The following GRM7 variants were observed in gnomAD, a reference collection of about 807,000 sequenced individuals.
GRM7 encodes the protein glutamate metabotropic receptor 7.
A neutral mutation model predicts 84.5 loss-of-function variants in GRM7; 35 were observed. That is an observed-to-expected ratio of 0.41 (90% CI 0.32 to 0.55). The LOEUF (loss-of-function observed/expected upper bound fraction) is 0.55. Among genes scored for constraint, GRM7 ranks in the 20% least tolerant of loss-of-function variants. The pLI is 0.19. For synonymous variants in GRM7, 487 were observed against 455.1 expected, an observed-to-expected ratio of 1.07 and a Z score of -0.89; for missense variants, 1,003 against 1,194.6, an observed-to-expected ratio of 0.84 and a Z score of 2.36.
At chr3:7,463,004 G>T (rs935749556) in intron 7 of GRM7, among the ~76,000 whole-genome samples, 2 of 152,194 alleles carry the variant, frequency 1.3e-5, no homozygotes, top group Non-Finnish European at 2.9e-5. Context: ...AACTCAAGGT[G>T]GGGGAGTAGT....
chr3:7,160,411 C>G (rs116936666), intron 2 of GRM7, among the ~76,000 whole-genome samples: 2 of 152,170 alleles, frequency 1.3e-5, no homozygotes, highest in African/African-American at 4.8e-5. Flanking sequence ...CTAGATACCC[C>G]AGTTTCGTCC....
chr3:7,453,390 C>T (rs1697861278), intron 6 of GRM7, among the ~76,000 whole-genome samples: 1 of 152,078 alleles, frequency 6.6e-6, no homozygotes, highest in South Asian at 2.1e-4. Flanking sequence ...CAGTGGCAAA[C>T]CCTAGGTTGT....
At chr3:7,288,431 A>C (rs1457438637) in intron 2 of GRM7, among the ~76,000 whole-genome samples, 3 of 152,114 alleles carry the variant, frequency 2.0e-5, no homozygotes, top group Admixed American at 6.6e-5. Context: ...AATTTATAAG[A>C]ACTGGTAGGA....
chr3:7,165,951 A>ATATGT (rs1694785218), intron 2 of GRM7, among the ~76,000 whole-genome samples: 1 of 152,312 alleles, frequency 6.6e-6, no homozygotes, highest in African/African-American at 2.4e-5. Flanking sequence ...GTACTTCGAA[A>ATATGT]TATGTTATTT....
intron 1 of GRM7, among the ~76,000 whole-genome samples, chr3:6,992,310 A>G (rs1694670719): frequency 1.3e-5 from 2 of 152,328 alleles, no homozygotes; most frequent in African/African-American, 2.4e-5. Flanking sequence ...GTCCTTAAAG[A>G]TAAATATTTA....
At chr3:6,933,878 T>C (rs778834479) in intron 1 of GRM7, among the ~76,000 whole-genome samples, 2 of 152,146 alleles carry the variant, frequency 1.3e-5, no homozygotes, top group Non-Finnish European at 2.9e-5. Flanking sequence ...AGTTAGCCAA[T>C]ACAAATGGTA....
chr3:6,999,152 C>T, intron 1 of GRM7, among the ~76,000 whole-genome samples: 1 of 152,182 alleles, frequency 6.6e-6, no homozygotes. Flanking sequence ...TAAATCATCT[C>T]TCTCAAGTTC....
chr3:6,979,837 A>G (rs1452903254), intron 1 of GRM7, among the ~76,000 whole-genome samples: 1 of 152,200 alleles, frequency 6.6e-6, no homozygotes, highest in South Asian at 2.1e-4. Context: ...AAGTAATATA[A>G]TAGGTTATTA....
chr3:7,404,638 A>G (rs1695596993), intron 4 of GRM7, among the ~76,000 whole-genome samples: 2 of 152,088 alleles, frequency 1.3e-5, no homozygotes. Context: ...GCACAATACC[A>G]AGATGTGTGC....
At chr3:7,092,784 G>A (rs1698716832) in intron 1 of GRM7, among the ~76,000 whole-genome samples, 1 of 152,156 alleles carries the variant, frequency 6.6e-6, no homozygotes, top group African/African-American at 2.4e-5. Context: ...GCCAATATTA[G>A]ACTTCAGAGA....
chr3:7,430,438 C>T (rs1696780219), intron 5 of GRM7, among the ~76,000 whole-genome samples: 1 of 152,172 alleles, frequency 6.6e-6, no homozygotes, highest in South Asian at 2.1e-4. Context: ...AATTCTACTA[C>T]ACAGACATAA....
At chr3:6,977,832 T>G (rs983022574) in intron 1 of GRM7, among the ~76,000 whole-genome samples, 1 of 152,194 alleles carries the variant, frequency 6.6e-6, no homozygotes, top group Non-Finnish European at 1.5e-5. Flanking sequence ...TAGTCCTAAC[T>G]GATAGTATTT....
intron 2 of GRM7, among the ~76,000 whole-genome samples, chr3:7,214,529 C>T (rs1218660147): frequency 6.6e-6 from 1 of 152,204 alleles, no homozygotes; most frequent in Non-Finnish European, 1.5e-5. Flanking sequence ...TAATGCTTTG[C>T]TTCATGCCTG....
Position 7,454,090 on chromosome 3 carries a change from A to ACACTCTCTCTCTCTCTCT in GRM7, c.1375+1284_1375+1285insACTCTCTCTCTCTCTCTC, listed in dbSNP as rs1365192243. ...ACCATACATGAAAAGCTACACACAC[A>ACACTCTCTCTCTCTCTCT]CTCTCTCTCTCTCTCTCTCTCTCTC... On this transcript the variant is annotated intron_variant, in intron 6 of 9. Coordinates refer to ENST00000357716, the MANE Select transcript of GRM7 (RefSeq NM_000844.4). 5.7e-3 allele frequency among the ~76,000 whole-genome samples: 805 copies of ACACTCTCTCTCTCTCTCT among 140,016 alleles called. 3 individuals are homozygous for ACACTCTCTCTCTCTCTCT. Among genetic ancestry groups the ACACTCTCTCTCTCTCTCT allele is most frequent in the Middle Eastern group, 0.011 (3 of 264 alleles). The allele number at this position is 140,016 out of a possible 152,430, so 91.9% of individuals were successfully genotyped here.
At chr3:7,407,279 T>G (rs1034392236) in intron 4 of GRM7, among the ~76,000 whole-genome samples, 3 of 152,302 alleles carry the variant, frequency 2.0e-5, no homozygotes, top group African/African-American at 7.2e-5. Context: ...GGTAGATGCC[T>G]CTTCAAGTCT....
intron 2 of GRM7, among the ~76,000 whole-genome samples, chr3:7,170,776 T>C (rs1694957423): frequency 6.6e-6 from 1 of 152,126 alleles, no homozygotes; most frequent in African/African-American, 2.4e-5. Flanking sequence ...TAGGAGAAGA[T>C]ATGGGAAAAA....
At chr3:7,725,063 C>T (rs1160312180) in intron 9 of GRM7, among the ~76,000 whole-genome samples, 1 of 152,122 alleles carries the variant, frequency 6.6e-6, no homozygotes, top group Non-Finnish European at 1.5e-5. Flanking sequence ...TTCATCAAGA[C>T]ATGAGCAGTT....
intron 7 of GRM7, among the ~76,000 whole-genome samples, chr3:7,545,445 G>A (rs1265172347): frequency 6.6e-6 from 1 of 152,128 alleles, no homozygotes; most frequent in Non-Finnish European, 1.5e-5. Context: ...TTGCTCACAG[G>A]CACCATTTCT....
chr3:7,293,632 C>A (rs1435118213), intron 2 of GRM7, among the ~76,000 whole-genome samples: 1 of 152,150 alleles, frequency 6.6e-6, no homozygotes, highest in Non-Finnish European at 1.5e-5. Flanking sequence ...ATTAGATTTT[C>A]CGTGTGTCAG....
Sources: allele counts gnomAD v4.1 joint callset (sites outside exome capture counted in the v4.1 genomes callset), GRCh38; gene constraint gnomAD v4.1.1; transcripts MANE v1.5; gene names NCBI Gene and HGNC (gene_info 2026-07-23, HGNC 2026-07-21).